The following ARHGAP6 variants were observed in gnomAD, a reference collection of about 807,000 sequenced individuals.
ARHGAP6 encodes rho GTPase-activating protein 6.
ARHGAP6 carries 16 observed loss-of-function variants against 55.7 expected under a neutral mutation model. The observed-to-expected ratio is 0.29, with a 90% CI of 0.19 to 0.44. The LOEUF (loss-of-function observed/expected upper bound fraction) is 0.44. ARHGAP6 is among the 20% of genes least tolerant of loss of function. The probability of loss-of-function intolerance (pLI) is 1.00; values close to 1 mark genes in which losing one functional copy is unlikely to be tolerated. For missense variants in ARHGAP6, 698 were observed against 808.9 expected, an observed-to-expected ratio of 0.86 and a Z score of 1.66; for synonymous variants, 382 against 360.9, an observed-to-expected ratio of 1.06 and a Z score of -0.66.
At chrX:11,562,878 A>G (rs776478861) in intron 1 of ARHGAP6, among the ~76,000 whole-genome samples, 1 of 112,299 alleles carries the variant, frequency 8.9e-6, no homozygotes, top group Admixed American at 9.5e-5. Context: ...GAAAAAGTTA[A>G]TAATGCCTTT....
intron 10 of ARHGAP6, among the ~76,000 whole-genome samples, chrX:11,151,500 C>G (rs1431910585): frequency 9.0e-6 from 1 of 110,932 alleles, no homozygotes. Flanking sequence ...GACTCCTGGT[C>G]TTGCATTCTT....
chrX:11,364,233 G>A (rs1475617944), intron 1 of ARHGAP6, among the ~76,000 whole-genome samples: 2 of 109,636 alleles, frequency 1.8e-5, no homozygotes, highest in South Asian at 3.9e-4. Flanking sequence ...AGTGAGGATC[G>A]AAAAACTACC....
intron 1 of ARHGAP6, among the ~76,000 whole-genome samples, chrX:11,552,624 A>AC (rs1171357676): frequency 1.2e-5 from 1 of 85,927 alleles, no homozygotes; most frequent in Non-Finnish European, 2.3e-5. Context: ...ACACACACAC[A>AC]ATGGCATACT....
At chrX:11,195,529 C>T (rs1462566185) in intron 3 of ARHGAP6, among the ~76,000 whole-genome samples, 1 of 110,560 alleles carries the variant, frequency 9.0e-6, no homozygotes, top group East Asian at 2.8e-4. Flanking sequence ...AAACAATTCC[C>T]AAAACATATG....
rs551651496 is a variant in ARHGAP6, at chrX:11,432,644, A to T, written c.589-177937T>A. On this transcript the variant is annotated intron_variant, in intron 1 of 12. Coordinates refer to ENST00000337414, the MANE Select transcript of ARHGAP6 (RefSeq NM_013427.3). ...GTTGTCTCTTTTTTAAGTCTTTTTC[A>T]TGGGGCTACAAAGATGAAATTAAGG... 2.7e-5 allele frequency among the ~76,000 whole-genome samples: 3 copies of T among 112,110 alleles called. No individual in the cohort carries two copies. In the South Asian group the frequency reaches 1.1e-3, roughly 42 times the overall value.
chrX:11,216,720 CT>C (rs1169638012), intron 2 of ARHGAP6, among the ~76,000 whole-genome samples: 5 of 111,250 alleles, frequency 4.5e-5, no homozygotes, highest in Admixed American at 9.5e-5. Context: ...TAACTTTTTT[CT>C]TTTTTTATTA....
chrX:11,512,918 G>T (rs972220734), intron 1 of ARHGAP6, among the ~76,000 whole-genome samples: 10 of 111,939 alleles, frequency 8.9e-5, no homozygotes, highest in African/African-American at 2.9e-4. Context: ...TGAGGTTTGG[G>T]ATGGTTTGTT....
At chrX:11,462,919 C>T (rs912502714) in intron 1 of ARHGAP6, among the ~76,000 whole-genome samples, 17 of 112,644 alleles carry the variant, frequency 1.5e-4, no homozygotes, top group South Asian at 3.6e-4. Flanking sequence ...AAGGTAGTGG[C>T]GAGACCCTTG....
intron 1 of ARHGAP6, among the ~76,000 whole-genome samples, chrX:11,615,305 C>T (rs773934228): frequency 1.8e-5 from 2 of 111,988 alleles, no homozygotes; most frequent in South Asian, 7.5e-4. Flanking sequence ...AAATACTTTC[C>T]ATTAATGTCT....
At chrX:11,177,288 A>G (rs1023733135) in intron 8 of ARHGAP6, among the ~76,000 whole-genome samples, 13 of 107,414 alleles carry the variant, frequency 1.2e-4, no homozygotes, top group African/African-American at 4.5e-4. Flanking sequence ...TCATTTGTCC[A>G]AGGGTGAAAC....
At chrX:11,215,964 T>C (rs2046875563) in intron 2 of ARHGAP6, among the ~76,000 whole-genome samples, 1 of 111,581 alleles carries the variant, frequency 9.0e-6, no homozygotes. Context: ...ACAGATACTC[T>C]TAGAGCAGCT....
intron 1 of ARHGAP6, among the ~76,000 whole-genome samples, chrX:11,608,860 G>GT (rs1315307821): frequency 9.0e-6 from 1 of 111,454 alleles, no homozygotes; most frequent in Admixed American, 9.5e-5. Context: ...ATGTGGAAAT[G>GT]TAAGTCTAAT....
At position 11,510,384 on chromosome X, in the gene ARHGAP6, G is replaced by A. The variant is rs186614769; in HGVS notation, c.588+153857C>T. Among the ~76,000 whole-genome samples, 130 of 111,105 alleles carry A rather than the reference G, an allele frequency of 1.2e-3. 1 individual carries two copies. Among genetic ancestry groups the A allele is most frequent in the African/African-American group, 4.2e-3 (128 of 30,614 alleles). On this transcript the variant is annotated intron_variant, in intron 1 of 12. Transcript: ENST00000337414. ...ACCCTATGTAGTTTCTATCACTAAA[G>A]AGGATATTTTCCTGCCTGCTGATTT...
At chrX:11,394,480 AT>A (rs2049452432) in intron 1 of ARHGAP6, among the ~76,000 whole-genome samples, 1 of 112,005 alleles carries the variant, frequency 8.9e-6, no homozygotes, top group Non-Finnish European at 1.9e-5. Context: ...CTGTAAATTT[AT>A]TAAGAAACCA....
chrX:11,353,825 A>G (rs2048892368), intron 1 of ARHGAP6, among the ~76,000 whole-genome samples: 1 of 110,703 alleles, frequency 9.0e-6, no homozygotes, highest in Non-Finnish European at 1.9e-5. Flanking sequence ...ATCATTGGAA[A>G]GGGTGTACTC....
At chrX:11,254,315 C>G (rs1169196943) in intron 2 of ARHGAP6, among the ~76,000 whole-genome samples, 1 of 111,836 alleles carries the variant, frequency 8.9e-6, no homozygotes, top group East Asian at 2.8e-4. Flanking sequence ...CACAGCTTTC[C>G]TTTGTAATGC....
intron 1 of ARHGAP6, among the ~76,000 whole-genome samples, chrX:11,475,560 T>TACAC (rs199969639): frequency 2.2e-3 from 209 of 95,903 alleles, no homozygotes; most frequent in East Asian, 0.014. Context: ...TTAAAGAAAC[T>TACAC]ACACACACAC....
chrX:11,505,137 G>T (rs2050719039), intron 1 of ARHGAP6, among the ~76,000 whole-genome samples: 1 of 110,286 alleles, frequency 9.1e-6, no homozygotes, highest in Admixed American at 9.8e-5. Flanking sequence ...CACCAGTATA[G>T]TGCATTACGC....
intron 1 of ARHGAP6, among the ~76,000 whole-genome samples, chrX:11,281,449 A>G (rs2047854815): frequency 1.8e-5 from 2 of 109,737 alleles, no homozygotes; most frequent in South Asian, 7.5e-4. Context: ...TAATTTTATT[A>G]TATATTAGTT....
Sources: gnomAD v4.1 joint callset for allele counts (sites outside exome capture counted in the v4.1 genomes callset) on GRCh38, gnomAD v4.1.1 for gene constraint, MANE v1.5 for transcripts, NCBI Gene and HGNC (gene_info 2026-07-23, HGNC 2026-07-21) for gene names.